Variants in AFMID observed in about 807,000 individuals in gnomAD.
AFMID encodes arylformamidase.
Under a neutral mutation model 47.5 loss-of-function variants are expected in AFMID, and 39 were observed. The observed-to-expected ratio is 0.82, with a 90% confidence interval of 0.64 to 1.07. The LOEUF (loss-of-function observed/expected upper bound fraction) is 1.07, where lower values mean the gene tolerates loss of function less well. Among genes scored for constraint, AFMID ranks in the 50% least tolerant of loss-of-function variants. The pLI, the probability that AFMID is intolerant of heterozygous loss-of-function variation, is 0.00. For synonymous variants in AFMID, 130 were observed against 153.2 expected (o/e 0.85, Z 1.12); for missense variants, 375 against 387.5 (o/e 0.97, Z 0.27).
Position 78,207,151 on chromosome 17 carries a change from G to A in AFMID, c.*214G>A, listed in dbSNP as rs571205500. The A allele has an allele frequency of 4.9e-6, 3 of 613,904 alleles. No individual in the cohort carries two copies. The highest frequency in any genetic ancestry group is 5.6e-5 in the East Asian group (2 of 35,918). The allele number at this position is 613,904 out of a possible 1,614,324, so 38.0% of individuals were successfully genotyped here. A position where few individuals can be genotyped will look rare whatever the true frequency, so the allele number is the denominator to read the frequency against. On this transcript the variant is annotated 3_prime_UTR_variant, in exon 11 of 11. Transcript: ENST00000409257. Reference sequence around the variant, plus strand: ...TTCCCAGCCTGGATGGAGCTCCAGGGCTGGGGAACGTCCGCAAGTCAATGC... The same window carrying A: ...TTCCCAGCCTGGATGGAGCTCCAGGACTGGGGAACGTCCGCAAGTCAATGC...
intron 1 of AFMID, among the ~76,000 whole-genome samples, chr17:78,189,084 T>C (rs964912773): frequency 6.6e-6 from 1 of 151,938 alleles, no homozygotes; most frequent in Non-Finnish European, 1.5e-5. Flanking sequence ...ACTAAGTAAC[T>C]TGTTGAGGAT....
chr17:78,189,119 T>A (rs1256482146), intron 1 of AFMID, among the ~76,000 whole-genome samples: 2 of 151,034 alleles, frequency 1.3e-5, no homozygotes, highest in East Asian at 3.9e-4. Context: ...GTGAGGGAGG[T>A]CAGATGGCAT....
intron 1 of AFMID, among the ~76,000 whole-genome samples, chr17:78,188,053 T>A (rs1464155414): frequency 6.6e-6 from 1 of 151,336 alleles, no homozygotes; most frequent in Non-Finnish European, 1.5e-5. Flanking sequence ...TACACAATGT[T>A]TTTGGGTCTG....
Position 78,205,713 on chromosome 17 carries a change from A to G in AFMID, c.755A>G (p.His252Arg). The G allele has an allele frequency of 6.2e-7, 1 of 1,611,016 alleles. No individual in the cohort carries two copies. ...VVGQFDSPEF[H>R]RQSWEFYQTL... ...GGCCAGTTCGACTCCCCCGAATTCC[A>G]CCGACAGTCCTGGGAGTTTTACCAG... Residue 252 changes from histidine to arginine, a missense_variant, in exon 9 of 11, where the codon CAC (histidine) becomes CGC (arginine). Physicochemically the swap from His to Arg is conservative, Grantham distance 29. Transcript: ENST00000409257.
intron 2 of AFMID, among the ~76,000 whole-genome samples, chr17:78,192,978 G>T (rs1453628639): frequency 6.6e-6 from 1 of 152,120 alleles, no homozygotes; most frequent in Non-Finnish European, 1.5e-5. Context: ...GATTGGGGGG[G>T]AGCTGTTTCC....
At position 78,207,474 on chromosome 17, in the gene AFMID, G is replaced by C. The variant is rs1354632746; in HGVS notation, c.*537G>C. 6.5e-6 allele frequency: 1 copy of C among 153,564 alleles called. No homozygotes were observed. Among genetic ancestry groups the C allele is most frequent in the Non-Finnish European group, 1.4e-5 (1 of 69,346 alleles). The allele number at this position is 153,564 out of a possible 1,614,324, so 9.5% of individuals were successfully genotyped here. A position where few individuals can be genotyped will look rare whatever the true frequency, so the allele number is the denominator to read the frequency against. ...AATTTTTGTATTTTTAGTAGAGACG[G>C]GGTTTCAACATATTGGCCAGGCTGG... On this transcript the variant is annotated 3_prime_UTR_variant, in exon 11 of 11. Transcript: ENST00000409257.
At chr17:78,203,055 CTTTTTT>C (rs56016227) in intron 4 of AFMID, 156 of 111,006 alleles carry the variant, frequency 1.4e-3, no homozygotes, top group Middle Eastern at 5.1e-3. Context: ...CTTCCTCTCT[CTTTTTT>C]TTTTTTTTTT....
intron 2 of AFMID, among the ~76,000 whole-genome samples, chr17:78,194,248 C>G (rs1430990578): frequency 6.6e-6 from 1 of 151,818 alleles, no homozygotes; most frequent in Non-Finnish European, 1.5e-5. Context: ...GTTTCAGCCT[C>G]CCGAGTAGCT....
intron 2 of AFMID, among the ~76,000 whole-genome samples, chr17:78,191,922 G>A (rs1247754942): frequency 6.6e-6 from 1 of 152,028 alleles, no homozygotes; most frequent in Non-Finnish European, 1.5e-5. Context: ...TCTTGACCTC[G>A]TGATCTGGCT....
At chr17:78,191,796 T>G (rs2075976327) in intron 2 of AFMID, among the ~76,000 whole-genome samples, 1 of 151,750 alleles carries the variant, frequency 6.6e-6, no homozygotes, top group Non-Finnish European at 1.5e-5. Flanking sequence ...TTCAAGCGAT[T>G]CTCCTGACTC....
intron 2 of AFMID, among the ~76,000 whole-genome samples, chr17:78,198,273 C>A (rs1011307538): frequency 1.4e-4 from 22 of 151,924 alleles, no homozygotes; most frequent in African/African-American, 5.1e-4. Context: ...GCCTGGCCAA[C>A]ACCGTGAAAA....
chr17:78,206,804 T>C, intron 10 of AFMID, 107 bp from the exon 11 acceptor site: 2 of 1,242,198 alleles, frequency 1.6e-6, no homozygotes, highest in Non-Finnish European at 2.3e-6. Context: ...AGGGTTGGGG[T>C]TGCAGACGTG....
chr17:78,204,988 C>T (rs780296534), intron 6 of AFMID, 88 bp downstream of exon 6: 2 of 1,581,292 alleles, frequency 1.3e-6, no homozygotes, highest in East Asian at 2.3e-5. Context: ...GCCAAGCTGC[C>T]CCTCTGGCCT....
At chr17:78,190,116 C>T (rs1000693784) in intron 1 of AFMID, among the ~76,000 whole-genome samples, 4 of 151,710 alleles carry the variant, frequency 2.6e-5, no homozygotes, top group South Asian at 2.1e-4. Context: ...CGTGAGCCAC[C>T]GCGCCCAGCC....
chr17:78,188,501 C>T (rs571637476), intron 1 of AFMID, among the ~76,000 whole-genome samples: 6 of 152,280 alleles, frequency 3.9e-5, no homozygotes, highest in Non-Finnish European at 7.4e-5. Context: ...CTCACTGCAA[C>T]CTCTACCTCC....
chr17:78,197,182 C>CTGA, intron 2 of AFMID: 1 of 1,550,588 alleles, frequency 6.4e-7, no homozygotes, highest in African/African-American at 1.4e-5. Context: ...TCACGACCTT[C>CTGA]TGATGAAGCC....
chr17:78,201,944 G>C (rs184835198), intron 2 of AFMID, among the ~76,000 whole-genome samples: 3 of 151,462 alleles, frequency 2.0e-5, no homozygotes, highest in Non-Finnish European at 2.9e-5. Context: ...GTTAGCCAGG[G>C]TGGTCTCGAT....
chr17:78,190,215 C>T (rs11657432), intron 1 of AFMID, among the ~76,000 whole-genome samples: 8 of 151,806 alleles, frequency 5.3e-5, no homozygotes, highest in Admixed American at 1.3e-4. Context: ...GGTGTTAGCC[C>T]GACATTCACC....
rs865938288 is a variant in AFMID, at chr17:78,202,740, G to A, written c.297G>A (p.Trp99Ter). ...TCCTGTTCTTTCACGGAGGATACTG[G>A]CAGAGCGGAAGGTGAGTCGGGGGAT... ...PFFLFFHGGYWQSGSKDESAF... is the reference protein window; with the variant it reads ...PFFLFFHGGY The change falls in exon 4 of 11, where the codon TGG becomes TGA. Residue 99 changes from tryptophan to a stop codon, truncating the protein, a stop_gained. Coordinates refer to ENST00000409257, the MANE Select transcript of AFMID (RefSeq NM_001010982.5). LOFTEE classifies it high-confidence loss of function. 46 of 1,558,206 alleles carry A rather than the reference G, an allele frequency of 3.0e-5. No individual in the cohort carries two copies. The highest frequency in any genetic ancestry group is 3.7e-5 in the Non-Finnish European group (42 of 1,150,576).
Sources: allele counts gnomAD v4.1 joint callset (sites outside exome capture counted in the v4.1 genomes callset), GRCh38; gene constraint gnomAD v4.1.1; transcripts MANE v1.5; gene names NCBI Gene and HGNC (gene_info 2026-07-23, HGNC 2026-07-21).